Variants in KLHL32 observed in about 807,000 individuals in gnomAD.
KLHL32 encodes kelch like family member 32, also known as kelch-like protein 32.
KLHL32 carries 35 observed loss-of-function variants against 64.8 expected under a neutral mutation model. That is an observed-to-expected ratio of 0.54 (90% CI 0.41 to 0.72). The LOEUF (loss-of-function observed/expected upper bound fraction) is 0.72, where lower values mean the gene tolerates loss of function less well. KLHL32 is among the 30% of genes least tolerant of loss of function. KLHL32 has a pLI of 0.00. For missense variants in KLHL32, 589 were observed against 768.5 expected (o/e 0.77, Z 2.76); for synonymous variants, 259 against 281.0 (o/e 0.92, Z 0.78).
the KLHL32 span, among the ~76,000 whole-genome samples, chr6:96,899,792 C>T: frequency 6.6e-6 from 1 of 152,192 alleles, no homozygotes; most frequent in Non-Finnish European, 1.5e-5. Context: ...AACTTAAGAA[C>T]TCCTGTTGGG....
At chr6:96,921,306 G>A (rs1168160619), upstream of KLHL32, among the ~76,000 whole-genome samples, 1 of 152,220 alleles carries the variant, frequency 6.6e-6, no homozygotes, top group Non-Finnish European at 1.5e-5. Flanking sequence ...TGATATCACA[G>A]AATGTGGCAG....
chr6:96,909,859 T>C, the KLHL32 span, among the ~76,000 whole-genome samples: 1 of 152,232 alleles, frequency 6.6e-6, no homozygotes, highest in Non-Finnish European at 1.5e-5. Context: ...TGTCAGCAGT[T>C]GTGTCCTGCT....
intron 1 of KLHL32, among the ~76,000 whole-genome samples, chr6:96,937,247 T>A (rs759703518): frequency 4.6e-5 from 7 of 152,282 alleles, no homozygotes; most frequent in South Asian, 4.1e-4. Flanking sequence ...CCCCTCTCCA[T>A]CATAGGTAAC....
At chr6:96,927,172 C>T (rs568954236) in intron 1 of KLHL32, among the ~76,000 whole-genome samples, 3 of 152,236 alleles carry the variant, frequency 2.0e-5, no homozygotes, top group South Asian at 2.1e-4. Flanking sequence ...GAAACAAAAG[C>T]ATATATAGTT....
rs890749312 is a variant in KLHL32, at chr6:97,140,311, G to T, written c.*1029G>T. On this transcript the variant is annotated 3_prime_UTR_variant, in exon 11 of 11. Transcript: ENST00000369261. The stretch of plus-strand genomic sequence containing the variant: ...AAAATAATTTAGTTGTACTAATTAT[G>T]GTACCATAAAGTGCTTTGACATAAA... 5.3e-5 allele frequency: 8 copies of T among 152,084 alleles called. No individual in the cohort carries two copies. Among genetic ancestry groups the T allele is most frequent in the African/African-American group, 1.9e-4 (8 of 41,530 alleles). 9.4% of individuals were successfully genotyped at this position (152,084 alleles called of 1,614,324 possible). A position where few individuals can be genotyped will look rare whatever the true frequency, so the allele number is the denominator to read the frequency against.
rs143785845 is a variant in KLHL32 at position 96,994,666 on chromosome 6, G to A, written c.204+18489G>A. Reference sequence around the variant, plus strand: ...ATATGATTAATGAATGATTAGTTGCGTGCAAAGTACTATGAGTTCCTGTGA... The same window carrying A: ...ATATGATTAATGAATGATTAGTTGCATGCAAAGTACTATGAGTTCCTGTGA... On this transcript the variant is annotated intron_variant, in intron 3 of 10. Transcript: ENST00000369261. 1.4e-4 allele frequency: 132 copies of A among 971,220 alleles called. No homozygotes were observed. The African/African-American group carries it at 1.4e-3, about 10-fold the overall frequency. 60.2% of individuals were successfully genotyped at this position (971,220 alleles called of 1,614,324 possible).
At chr6:97,032,073 G>A (rs968905861) in intron 3 of KLHL32, among the ~76,000 whole-genome samples, 1 of 152,184 alleles carries the variant, frequency 6.6e-6, no homozygotes, top group African/African-American at 2.4e-5. Context: ...CTCAGAGAAG[G>A]TAACAAATTA....
intron 4 of KLHL32, among the ~76,000 whole-genome samples, chr6:97,056,012 A>C (rs1787804745): frequency 6.6e-6 from 1 of 151,650 alleles, no homozygotes; most frequent in Non-Finnish European, 1.5e-5. Context: ...GGCAGTCACA[A>C]ATATTGCCAA....
intron 6 of KLHL32, among the ~76,000 whole-genome samples, chr6:97,091,431 G>A (rs369526756): frequency 1.3e-5 from 2 of 152,140 alleles, no homozygotes; most frequent in Non-Finnish European, 2.9e-5. Flanking sequence ...TGTCCTGTGG[G>A]GTACTACTAT....
At chr6:97,081,846 A>G (rs1044258336) in intron 5 of KLHL32, among the ~76,000 whole-genome samples, 1 of 152,144 alleles carries the variant, frequency 6.6e-6, no homozygotes, top group African/African-American at 2.4e-5. Context: ...TGTGTTGCCA[A>G]TTCCTGCTGT....
intron 7 of KLHL32, among the ~76,000 whole-genome samples, chr6:97,125,554 T>C (rs1798781824): frequency 6.6e-6 from 1 of 152,226 alleles, no homozygotes; most frequent in Non-Finnish European, 1.5e-5. Flanking sequence ...GGTGATTTAG[T>C]AGAAAAGTAC....
chr6:96,902,700 C>G, the KLHL32 span, among the ~76,000 whole-genome samples: 2 of 152,106 alleles, frequency 1.3e-5, no homozygotes, highest in Admixed American at 1.3e-4. Context: ...AGGTTTTCTT[C>G]TAGGGTTTTC....
rs1164516672 is a variant in KLHL32, at chr6:97,001,184, GAAT to G, written c.204+25011_204+25013del. The stretch of plus-strand genomic sequence containing the variant: ...CCCTAACGTAAACTTTGGATTTGGT[GAAT>G]AATGATGTGTAAATGTTGGTTCAGC... On this transcript the variant is annotated intron_variant, in intron 3 of 10. Transcript: ENST00000369261. Among the ~76,000 whole-genome samples the G allele has an allele frequency of 3.3e-5, 5 of 152,258 alleles. No homozygotes were observed. In the East Asian group the frequency reaches 9.6e-4, roughly 29 times the overall value.
chr6:97,032,162 T>C (rs1354838454), intron 3 of KLHL32, among the ~76,000 whole-genome samples: 1 of 152,192 alleles, frequency 6.6e-6, no homozygotes, highest in Non-Finnish European at 1.5e-5. Context: ...GTTCTGAACA[T>C]TAAAAATAAA....
At chr6:97,047,874 C>G (rs115866886) in intron 4 of KLHL32, among the ~76,000 whole-genome samples, 4 of 152,142 alleles carry the variant, frequency 2.6e-5, no homozygotes, top group African/African-American at 9.7e-5. Context: ...GTAGAACTTC[C>G]AGCACCAAAG....
chr6:97,127,359 A>G lies in KLHL32; in HGVS notation c.1355-45A>G, dbSNP rs531330383. 4 of 1,485,890 alleles carry G rather than the reference A, an allele frequency of 2.7e-6. No homozygotes were observed. The African/African-American group carries it at 5.5e-5, about 21-fold the overall frequency. The allele number at this position is 1,485,890 out of a possible 1,614,324, so 92.0% of individuals were successfully genotyped here. A position where few individuals can be genotyped will look rare whatever the true frequency, so the allele number is the denominator to read the frequency against. Reference sequence around the variant, plus strand: ...TCTCATTCTTATGTTGGAATATCCTATTTTTTATTCATGAAAAGCTCTAAC... The same window carrying G: ...TCTCATTCTTATGTTGGAATATCCTGTTTTTTATTCATGAAAAGCTCTAAC... On this transcript the variant is annotated intron_variant, in intron 7 of 10. Coordinates refer to ENST00000369261, the MANE Select transcript of KLHL32 (RefSeq NM_052904.4).
intron 4 of KLHL32, among the ~76,000 whole-genome samples, chr6:97,061,823 A>T (rs1788960839): frequency 6.6e-6 from 1 of 152,142 alleles, no homozygotes; most frequent in African/African-American, 2.4e-5. Context: ...TTGACCTTTG[A>T]TTTCATTGCT....
chr6:97,057,767 T>C (rs1178634240), intron 4 of KLHL32, among the ~76,000 whole-genome samples: 1 of 152,226 alleles, frequency 6.6e-6, no homozygotes, highest in Non-Finnish European at 1.5e-5. Context: ...TTGTCAATTA[T>C]GTCTTTCATG....
intron 10 of KLHL32, among the ~76,000 whole-genome samples, chr6:97,133,340 G>A (rs1428646987): frequency 1.3e-5 from 2 of 152,132 alleles, no homozygotes; most frequent in Admixed American, 6.6e-5. Flanking sequence ...CACATTCATA[G>A]TATTATTCCT....
Sources: allele counts gnomAD v4.1 joint callset (sites outside exome capture counted in the v4.1 genomes callset), GRCh38; gene constraint gnomAD v4.1.1; transcripts MANE v1.5; gene names NCBI Gene and HGNC (gene_info 2026-07-23, HGNC 2026-07-21).